Variants in MED27 observed in about 807,000 individuals in gnomAD.
The protein encoded by MED27 is mediator of RNA polymerase II transcription subunit 27.
Under a neutral mutation model 38.2 loss-of-function variants are expected in MED27, and 30 were observed. The observed-to-expected ratio is 0.79, with a 90% CI of 0.59 to 1.07. The LOEUF is 1.07. Among genes scored for constraint, MED27 ranks in the 50% least tolerant of loss-of-function variants. The pLI is 0.00. For missense variants in MED27, 289 were observed against 397.5 expected (o/e 0.73, Z 2.32); for synonymous variants, 122 against 153.5 (o/e 0.79, Z 1.52).
chr9:131,985,697 GTTTT>G (rs75420101), intron 3 of MED27, among the ~76,000 whole-genome samples: 1 of 136,614 alleles, frequency 7.3e-6, no homozygotes, highest in East Asian at 2.1e-4. Context: ...AATTTTAATT[GTTTT>G]TTTTTTTTAG....
At chr9:131,908,874 T>A (rs1444787165) in intron 4 of MED27, among the ~76,000 whole-genome samples, 212 of 137,094 alleles carry the variant, frequency 1.5e-3, no homozygotes, top group African/African-American at 5.8e-3. Context: ...AATGATCAAT[T>A]AAAAAAAAAA....
chr9:131,905,717 A>AAC (rs1830046753), intron 4 of MED27, among the ~76,000 whole-genome samples: 1 of 109,530 alleles, frequency 9.1e-6, no homozygotes, highest in African/African-American at 3.2e-5. Context: ...AAAAAAAAAA[A>AAC]AAAAAAAAAA....
At chr9:131,893,798 G>A in intron 5 of MED27, 87 bp downstream of exon 5, 2 of 918,628 alleles carry the variant, frequency 2.2e-6, no homozygotes, top group Admixed American at 3.9e-5. Context: ...ATGATTGCTA[G>A]TTTTTAATGC....
At chr9:132,005,494 C>A (rs528366075) in intron 3 of MED27, among the ~76,000 whole-genome samples, 3 of 152,184 alleles carry the variant, frequency 2.0e-5, no homozygotes, top group Non-Finnish European at 4.4e-5. Context: ...CTGGTAATGT[C>A]TATAGTGCTC....
chr9:132,045,752 T>C (rs1345884096), intron 2 of MED27, among the ~76,000 whole-genome samples: 1 of 152,230 alleles, frequency 6.6e-6, no homozygotes, highest in Non-Finnish European at 1.5e-5. Context: ...GCTGCCCAGC[T>C]AAAACACTCT....
intron 6 of MED27, chr9:131,868,828 C>T: frequency 1.0e-6 from 1 of 985,460 alleles, no homozygotes; most frequent in Non-Finnish European, 1.2e-6. Context: ...AGTTCCGACG[C>T]CAGGCACAGG....
chr9:131,885,022 G>A (rs903221333), intron 5 of MED27, among the ~76,000 whole-genome samples: 3 of 152,196 alleles, frequency 2.0e-5, no homozygotes, highest in Non-Finnish European at 2.9e-5. Context: ...GAAGTTCAGT[G>A]AGGACAGGAG....
chr9:132,073,514 T>A lies in MED27; in HGVS notation c.348+3928A>T, dbSNP rs1833985370. ...AGTTTACCCTTAATAGAGGACAGAGTCCCTAAAGGAAAGGCTCTGCGTTGC... is the reference window on the plus strand; with the variant it reads ...AGTTTACCCTTAATAGAGGACAGAGACCCTAAAGGAAAGGCTCTGCGTTGC... On this transcript the variant is annotated intron_variant, in intron 2 of 7. Transcript: ENST00000292035. 9 of 1,290,606 alleles carry A rather than the reference T, an allele frequency of 7.0e-6. No individual in the cohort carries two copies. The South Asian group carries it at 2.0e-4, about 29-fold the overall frequency. The allele number at this position is 1,290,606 out of a possible 1,614,324, so 79.9% of individuals were successfully genotyped here.
intron 3 of MED27, among the ~76,000 whole-genome samples, chr9:132,008,098 T>C (rs568741960): frequency 4.5e-4 from 69 of 152,316 alleles, no homozygotes; most frequent in African/African-American, 1.7e-3. Context: ...TCAGGCCAAG[T>C]TGTTGAAACT....
At chr9:131,966,383 C>CAAAAAAAAAAAAAAA (rs749607968) in intron 3 of MED27, among the ~76,000 whole-genome samples, 1,570 of 36,632 alleles carry the variant, frequency 0.043, 242 homozygotes, top group Non-Finnish European at 0.055. Context: ...GACCCTGTCA[C>CAAAAAAAAAAAAAAA]AAAAAAAAAA....
intron 4 of MED27, among the ~76,000 whole-genome samples, chr9:131,925,268 A>G (rs765030273): frequency 1.4e-4 from 22 of 152,200 alleles, no homozygotes; most frequent in Non-Finnish European, 2.5e-4. Context: ...TGGGTACATA[A>G]GAGTTGTATA....
chr9:132,059,904 G>A (rs1054369828), intron 2 of MED27, among the ~76,000 whole-genome samples: 1 of 152,162 alleles, frequency 6.6e-6, no homozygotes, highest in Non-Finnish European at 1.5e-5. Flanking sequence ...AGGGAGCCCT[G>A]AGCTAAGTTC....
chr9:131,982,022 A>G lies in MED27; in HGVS notation c.479+32315T>C, dbSNP rs954069194. Among the ~76,000 whole-genome samples the G allele has an allele frequency of 6.6e-6, 1 of 152,216 alleles. No homozygotes were observed. The highest frequency in any genetic ancestry group is 1.5e-5 in the Non-Finnish European group (1 of 68,036). On this transcript the variant is annotated intron_variant, in intron 3 of 7. Coordinates refer to ENST00000292035, the MANE Select transcript of MED27 (RefSeq NM_004269.4). This position sits in a 1 kb window ranked among gnomAD's most constrained non-coding sequence, Gnocchi z 4.3. ...TATCAGCAGCAGTAGCAGAAGTGGT[A>G]GATACCACTTATCATGCACTTCCCA...
intron 2 of MED27, among the ~76,000 whole-genome samples, chr9:132,047,689 GTA>G (rs1420638596): frequency 6.6e-6 from 1 of 152,064 alleles, no homozygotes. Flanking sequence ...CAAGAAAATG[GTA>G]TGAGAAATTA....
chr9:131,928,814 A>G (rs1377780275), intron 4 of MED27, among the ~76,000 whole-genome samples: 1 of 152,238 alleles, frequency 6.6e-6, no homozygotes, highest in Non-Finnish European at 1.5e-5. Flanking sequence ...ACAATTCCTA[A>G]GCAAGTTCTA....
chr9:132,067,020 C>A (rs1833824092), intron 2 of MED27, among the ~76,000 whole-genome samples: 1 of 152,212 alleles, frequency 6.6e-6, no homozygotes, highest in Non-Finnish European at 1.5e-5. Context: ...GAGGCAGATT[C>A]AGAAGGAAAA....
chr9:132,037,291 C>T (rs7467596), intron 2 of MED27, among the ~76,000 whole-genome samples: 85,283 of 152,036 alleles, frequency 0.56, 26,125 homozygotes, highest in Non-Finnish European at 0.67. Context: ...GGTTACTATA[C>T]ACTGGTATCT....
At chr9:131,865,280 T>G (rs1838717826) in intron 6 of MED27, among the ~76,000 whole-genome samples, 1 of 151,482 alleles carries the variant, frequency 6.6e-6, no homozygotes, top group Admixed American at 6.6e-5. Context: ...ATGAGCAATG[T>G]TTTTTTTTCT....
chr9:131,978,032 C>T (rs1046356859), intron 3 of MED27, among the ~76,000 whole-genome samples: 1 of 152,228 alleles, frequency 6.6e-6, no homozygotes, highest in Non-Finnish European at 1.5e-5. Context: ...GACAACCAGA[C>T]ATTTTGTGCC....
Sources: allele counts gnomAD v4.1 joint callset (sites outside exome capture counted in the v4.1 genomes callset), GRCh38; gene constraint gnomAD v4.1.1; non-coding constraint Gnocchi (gnomAD v3.1); transcripts MANE v1.5; gene names NCBI Gene and HGNC (gene_info 2026-07-23, HGNC 2026-07-21).